Variants in ANP32A observed in about 807,000 individuals in gnomAD.
ANP32A encodes the protein acidic nuclear phosphoprotein 32 family member A, also known as acidic leucine-rich nuclear phosphoprotein 32 family member A.
A neutral mutation model predicts 33.9 loss-of-function variants in ANP32A; 1 was observed. The ratio of observed to expected loss-of-function variants is 0.03; its 90% CI spans 0.01 to 0.14. The LOEUF is 0.14. ANP32A is among the 10% of genes least tolerant of loss of function. The probability of loss-of-function intolerance (pLI) is 1.00; values close to 1 mark genes in which losing one functional copy is unlikely to be tolerated. For missense variants in ANP32A, 155 were observed against 306.0 expected (o/e 0.51, Z 3.68); for synonymous variants, 115 against 120.5 (o/e 0.95, Z 0.30).
At chr15:68,820,241 G>A (rs1387842972) in intron 1 of ANP32A, among the ~76,000 whole-genome samples, 1 of 152,082 alleles carries the variant, frequency 6.6e-6, no homozygotes, top group Non-Finnish European at 1.5e-5. Flanking sequence ...GCGGAAGGGG[G>A]GATACATTTA....
intron 1 of ANP32A, chr15:68,789,364 G>C (rs1369996095): frequency 6.6e-6 from 1 of 152,442 alleles, no homozygotes; most frequent in East Asian, 1.9e-4. Flanking sequence ...TTGTTCAAAG[G>C]GTTGCTCCTG....
chr15:68,801,384 G>A (rs1220112837), intron 1 of ANP32A, among the ~76,000 whole-genome samples: 2 of 151,930 alleles, frequency 1.3e-5, no homozygotes, highest in Admixed American at 6.6e-5. Context: ...AGAAGTAGTC[G>A]GAAGATCTGG....
intron 1 of ANP32A, among the ~76,000 whole-genome samples, chr15:68,809,906 A>G (rs1184997979): frequency 1.3e-5 from 2 of 152,272 alleles, no homozygotes; most frequent in Non-Finnish European, 2.9e-5. Context: ...CAGTGCACCC[A>G]TTAGGCAAGG....
chr15:68,787,845 T>G lies in ANP32A; in HGVS notation c.129A>C (p.Glu43Asp). ...CGTTGATTGTACTTAAGAATTCCAGTTCTTCAAATTCATCTGTGAGGCCTT... is the reference window on the plus strand; with the variant it reads ...CGTTGATTGTACTTAAGAATTCCAGGTCTTCAAATTCATCTGTGAGGCCTT... ...KLEGLTDEFE[E>D]LEFLSTINVG... The change falls in exon 2 of 7, where the codon GAA becomes GAC. Residue 43 changes from glutamate (E) to aspartate (D), a missense_variant. Transcript: ENST00000465139. 1 of 1,614,150 alleles carries G rather than the reference T, an allele frequency of 6.2e-7. No individual in the cohort carries two copies. The highest frequency in any genetic ancestry group is 8.5e-7 in the Non-Finnish European group (1 of 1,180,024).
intron 1 of ANP32A, among the ~76,000 whole-genome samples, chr15:68,809,048 C>T (rs529239947): frequency 1.2e-3 from 186 of 152,258 alleles, no homozygotes; most frequent in Non-Finnish European, 2.0e-3. Context: ...GAATCCTTAT[C>T]GTAGCTACTT....
intron 3 of ANP32A, among the ~76,000 whole-genome samples, chr15:68,786,042 C>T (rs1358548332): frequency 2.0e-5 from 3 of 152,258 alleles, no homozygotes; most frequent in Admixed American, 6.5e-5. Context: ...ATGCCAGTGT[C>T]CTCTTCTGCC....
chr15:68,814,105 G>C (rs1210435739), intron 1 of ANP32A, among the ~76,000 whole-genome samples: 1 of 151,972 alleles, frequency 6.6e-6, no homozygotes, highest in Non-Finnish European at 1.5e-5. Context: ...TCCTGACCTC[G>C]TGATCCACCC....
chr15:68,810,339 G>C (rs1358186470), intron 1 of ANP32A, among the ~76,000 whole-genome samples: 2 of 152,202 alleles, frequency 1.3e-5, no homozygotes, highest in African/African-American at 4.8e-5. Flanking sequence ...GATACAGGGA[G>C]ATCAGTGGCA....
At chr15:68,802,227 AGT>A (rs1894146461) in intron 1 of ANP32A, among the ~76,000 whole-genome samples, 1 of 152,172 alleles carries the variant, frequency 6.6e-6, no homozygotes, top group Admixed American at 6.5e-5. Flanking sequence ...TAAGATATAC[AGT>A]TAACTCTCCC....
chr15:68,812,174 G>T (rs1485161964), intron 1 of ANP32A, among the ~76,000 whole-genome samples: 1 of 152,164 alleles, frequency 6.6e-6, no homozygotes, highest in Admixed American at 6.5e-5. Context: ...ATTTTGCGGA[G>T]ACAAAAAGGG....
In ANP32A at chr15:68,820,802, ATAAACCCCGAACC is replaced by A; in HGVS notation, c.-64_-52del. 6.2e-7 allele frequency: 1 copy of A among 1,603,888 alleles called. No individual in the cohort carries two copies. The highest frequency in any genetic ancestry group is 8.5e-7 in the Non-Finnish European group (1 of 1,171,612). The stretch of plus-strand genomic sequence containing the variant: ...CTCCCGCGCCGGCGGAATTCAATCA[ATAAACCCCGAACC>A]CACGGCCGCGCGTTTTAGGACTTTG... On this transcript the variant is annotated 5_prime_UTR_variant, in exon 1 of 7. Transcript: ENST00000465139.
chr15:68,799,117 C>T (rs1172570115), intron 1 of ANP32A, among the ~76,000 whole-genome samples: 1 of 152,178 alleles, frequency 6.6e-6, no homozygotes, highest in African/African-American at 2.4e-5. Flanking sequence ...GTGAATTACA[C>T]ATGTATGGCA....
At chr15:68,790,686 T>TA (rs1893988256) in intron 1 of ANP32A, 1 of 152,172 alleles carries the variant, frequency 6.6e-6, no homozygotes, top group African/African-American at 2.4e-5. Context: ...CTGCTTATCC[T>TA]AAAATCCCAA....
At chr15:68,818,048 AAAT>A (rs1567041385) in intron 1 of ANP32A, among the ~76,000 whole-genome samples, 2 of 152,036 alleles carry the variant, frequency 1.3e-5, no homozygotes, top group African/African-American at 4.8e-5. Context: ...AAAAATAAAT[AAAT>A]AAAAATAAAT....
rs768865329 is a variant in ANP32A at position 68,784,604 on chromosome 15, G to A, written c.328-9C>T. ...AGGTTTTCTAACTTTTTCTGCAAGC[G>A]GAAAAATGAAGCCAACAGTAAGTGA... On this transcript the variant is annotated splice_polypyrimidine_tract_variant and intron_variant, in intron 3 of 6. Coordinates refer to ENST00000465139, the MANE Select transcript of ANP32A (RefSeq NM_006305.4). 1.1e-5 allele frequency: 17 copies of A among 1,613,762 alleles called. No individual in the cohort carries two copies. Among genetic ancestry groups the A allele is most frequent in the East Asian group, 2.2e-5 (1 of 44,888 alleles).
rs758907171 is a variant in ANP32A at position 68,787,396 on chromosome 15, G to T, written c.327+17C>A. The T allele has an allele frequency of 2.5e-6, 4 of 1,614,132 alleles. No homozygotes were observed. The highest frequency in any genetic ancestry group is 3.4e-6 in the Non-Finnish European group (4 of 1,179,968). On this transcript the variant is annotated intron_variant, in intron 3 of 6. Coordinates refer to ENST00000465139, the MANE Select transcript of ANP32A (RefSeq NM_006305.4). The stretch of plus-strand genomic sequence containing the variant: ...ACCTCCTACCCCTGCAGGGAGGGGA[G>T]GGTCCGAATGACTTACCAGTGGCTC...
Position 68,784,847 on chromosome 15 carries a change from T to C in ANP32A, c.328-252A>G, listed in dbSNP as rs534149509. The stretch of plus-strand genomic sequence containing the variant: ...GGAGGATCTTTGAAGCCTTATCCAA[T>C]GTTAACACTTTTATTCTGCAATTAC... On this transcript the variant is annotated intron_variant, in intron 3 of 6. Coordinates refer to ENST00000465139, the MANE Select transcript of ANP32A (RefSeq NM_006305.4). Among the ~76,000 whole-genome samples, 31 of 152,330 alleles carry C rather than the reference T, an allele frequency of 2.0e-4. 1 individual carries two copies. The South Asian group carries it at 6.2e-3, about 31-fold the overall frequency.
chr15:68,819,460 T>G, intron 1 of ANP32A, among the ~76,000 whole-genome samples: 1 of 152,210 alleles, frequency 6.6e-6, no homozygotes, highest in East Asian at 1.9e-4. Flanking sequence ...CCGGCCGTGC[T>G]CCCGCCGCTG....
chr15:68,789,858 G>C (rs1458239751), intron 1 of ANP32A: 2 of 152,416 alleles, frequency 1.3e-5, no homozygotes, highest in Non-Finnish European at 2.9e-5. Context: ...CTTCCTGTTG[G>C]GTCTGGGAGG....
Sources: gnomAD v4.1 joint callset for allele counts (sites outside exome capture counted in the v4.1 genomes callset) on GRCh38, gnomAD v4.1.1 for gene constraint, MANE v1.5 for transcripts, NCBI Gene and HGNC (gene_info 2026-07-23, HGNC 2026-07-21) for gene names.